The following PPP6R3 variants were observed in gnomAD, a reference collection of about 807,000 sequenced individuals.
The protein encoded by PPP6R3 is protein phosphatase 6 regulatory subunit 3.
Under a neutral mutation model 110.7 loss-of-function variants are expected in PPP6R3, and 38 were observed. The observed-to-expected ratio is 0.34, with a 90% CI of 0.26 to 0.45. The LOEUF is 0.45. PPP6R3 is among the 20% of genes least tolerant of loss of function. PPP6R3 has a pLI of 1.00. For missense variants in PPP6R3, 870 were observed against 1,062.4 expected (o/e 0.82, Z 2.52); for synonymous variants, 369 against 373.5 (o/e 0.99, Z 0.14).
At chr11:68,510,039 G>A (rs931949914) in intron 1 of PPP6R3, among the ~76,000 whole-genome samples, 4 of 146,344 alleles carry the variant, frequency 2.7e-5, no homozygotes, top group African/African-American at 1.0e-4. Flanking sequence ...ACAGGTGTGA[G>A]CTACTGTGCT....
intron 20 of PPP6R3, among the ~76,000 whole-genome samples, chr11:68,600,709 G>A (rs902272875): frequency 5.9e-5 from 9 of 152,212 alleles, no homozygotes; most frequent in African/African-American, 1.7e-4. Context: ...TTGGAAATGG[G>A]AGTAGTTCTT....
At chr11:68,503,482 C>T (rs1393657003) in intron 1 of PPP6R3, among the ~76,000 whole-genome samples, 1 of 152,178 alleles carries the variant, frequency 6.6e-6, no homozygotes, top group Non-Finnish European at 1.5e-5. Context: ...AGAGGAGCAG[C>T]CCTCCAACTA....
intron 18 of PPP6R3, among the ~76,000 whole-genome samples, 164 bp downstream of exon 18, chr11:68,591,870 C>T (rs2099596408): frequency 6.6e-6 from 1 of 152,176 alleles, no homozygotes; most frequent in Non-Finnish European, 1.5e-5. Context: ...TTGGTGCTTC[C>T]AGTGTGACAG....
chr11:68,603,636 C>T, intron 22 of PPP6R3, 144 bp downstream of exon 22: 1 of 1,050,584 alleles, frequency 9.5e-7, no homozygotes, highest in Non-Finnish European at 1.4e-6. Context: ...CCATTAAACA[C>T]AATAAATCTT....
intron 3 of PPP6R3, among the ~76,000 whole-genome samples, chr11:68,543,296 A>G (rs559220375): frequency 6.6e-6 from 1 of 152,266 alleles, no homozygotes; most frequent in African/African-American, 2.4e-5. Flanking sequence ...CACTCCTGGG[A>G]TAATGGGTAC....
At chr11:68,500,086 A>G (rs993136255) in intron 1 of PPP6R3, among the ~76,000 whole-genome samples, 13 of 152,134 alleles carry the variant, frequency 8.5e-5, no homozygotes, top group African/African-American at 2.9e-4. Flanking sequence ...TCTTCTATAA[A>G]TATGTTAGTA....
chr11:68,475,293 G>GAA (rs1233957358), intron 1 of PPP6R3, among the ~76,000 whole-genome samples: 1 of 152,228 alleles, frequency 6.6e-6, no homozygotes, highest in Non-Finnish European at 1.5e-5. Flanking sequence ...AGAACAAAAT[G>GAA]AAGTCTCCCA....
chr11:68,471,156 T>A (rs1243234492), intron 1 of PPP6R3, among the ~76,000 whole-genome samples: 2 of 151,180 alleles, frequency 1.3e-5, no homozygotes, highest in African/African-American at 2.4e-5. Context: ...TAGTGGTGGG[T>A]GCCTGTAGTT....
At position 68,589,277 on chromosome 11, in the gene PPP6R3, G is replaced by A. The variant is rs147684213; in HGVS notation, c.1730+1253G>A. 3.8e-3 allele frequency among the ~76,000 whole-genome samples: 575 copies of A among 152,200 alleles called. 2 individuals are homozygous for A. The highest frequency in any genetic ancestry group is 0.013 in the African/African-American group (548 of 41,518). ...CCTGTGTTGTTGACTGGGGCATCAC[G>A]TTCCAGCAGATGACCAGGTTGGCAG... is the stretch of plus-strand genomic sequence containing the variant. On this transcript the variant is annotated intron_variant, in intron 16 of 23. Transcript: ENST00000393800.
chr11:68,551,766 C>T (rs1452538081), intron 6 of PPP6R3, among the ~76,000 whole-genome samples: 8 of 152,096 alleles, frequency 5.3e-5, no homozygotes, highest in African/African-American at 9.7e-5. Context: ...GGATTACAGC[C>T]GTGAGCCACT....
chr11:68,517,784 A>G (rs749152570), intron 1 of PPP6R3, among the ~76,000 whole-genome samples: 11 of 152,134 alleles, frequency 7.2e-5, no homozygotes, highest in Non-Finnish European at 1.2e-4. Context: ...CAAAAAATAT[A>G]AAAATTAAGC....
intron 1 of PPP6R3, among the ~76,000 whole-genome samples, chr11:68,480,609 T>C (rs956021827): frequency 2.0e-5 from 3 of 152,236 alleles, no homozygotes; most frequent in Non-Finnish European, 4.4e-5. Flanking sequence ...AAAGTGCTCC[T>C]CATGTTGGCC....
chr11:68,494,465 A>G (rs1324477850), intron 1 of PPP6R3, among the ~76,000 whole-genome samples: 1 of 151,224 alleles, frequency 6.6e-6, no homozygotes, highest in Admixed American at 6.6e-5. Flanking sequence ...TATCAGCAAT[A>G]GATGAGTGGA....
rs1944913635 is a variant in PPP6R3 at position 68,614,796 on chromosome 11, A to T, written c.*1679A>T. On this transcript the variant is annotated 3_prime_UTR_variant, in exon 24 of 24. Coordinates refer to ENST00000393800, the MANE Select transcript of PPP6R3 (RefSeq NM_001164161.2). ...TCCTTGGGCCTCCTCTGGAAGCAGC[A>T]CCCCCAGAGGACAGGGCTCCTCCTG... 6.6e-7 allele frequency: 1 copy of T among 1,506,036 alleles called. No individual in the cohort carries two copies. Among genetic ancestry groups the T allele is most frequent in the Non-Finnish European group, 9.0e-7 (1 of 1,108,698 alleles). 93.3% of individuals were successfully genotyped at this position (1,506,036 alleles called of 1,614,324 possible). A position where few individuals can be genotyped will look rare whatever the true frequency, so the allele number is the denominator to read the frequency against.
At chr11:68,471,398 G>GTT (rs1168777296) in intron 1 of PPP6R3, among the ~76,000 whole-genome samples, 4 of 152,278 alleles carry the variant, frequency 2.6e-5, no homozygotes, top group African/African-American at 9.6e-5. Context: ...AGCCTAGAAG[G>GTT]TGGAAGGAGC....
intron 1 of PPP6R3, among the ~76,000 whole-genome samples, chr11:68,496,387 G>T (rs1430728836): frequency 6.6e-6 from 1 of 151,954 alleles, no homozygotes; most frequent in African/African-American, 2.4e-5. Flanking sequence ...TATTGTCCAG[G>T]CTGGACGGGG....
At chr11:68,463,432 C>G (rs1183951635) in intron 1 of PPP6R3, among the ~76,000 whole-genome samples, 1 of 148,290 alleles carries the variant, frequency 6.7e-6, no homozygotes, top group Non-Finnish European at 1.5e-5. Flanking sequence ...ATAAACATCT[C>G]TTTAAAACAA....
chr11:68,559,922 G>C (rs112919938), intron 8 of PPP6R3, among the ~76,000 whole-genome samples: 1 of 106,264 alleles, frequency 9.4e-6, no homozygotes, highest in South Asian at 3.2e-4. Flanking sequence ...GCGGTACGGT[G>C]CCCTCTTCTC....
chr11:68,561,227 T>C (rs2153733210), intron 8 of PPP6R3, among the ~76,000 whole-genome samples: 1 of 152,296 alleles, frequency 6.6e-6, no homozygotes, highest in South Asian at 2.1e-4. Context: ...TGTTAAGCTG[T>C]TTCATTATTT....
Sources: gnomAD v4.1 joint callset for allele counts (sites outside exome capture counted in the v4.1 genomes callset) on GRCh38, gnomAD v4.1.1 for gene constraint, MANE v1.5 for transcripts, NCBI Gene and HGNC (gene_info 2026-07-23, HGNC 2026-07-21) for gene names.